The following CDK14 variants were observed in gnomAD, a reference collection of about 807,000 sequenced individuals.
CDK14 encodes the protein cyclin dependent kinase 14.
In CDK14, 34 loss-of-function variants were observed where a neutral mutation model predicts 60.7. The ratio of observed to expected loss-of-function variants is 0.56; its 90% CI spans 0.43 to 0.75. The LOEUF (loss-of-function observed/expected upper bound fraction) is 0.75. Ranked by LOEUF, CDK14 falls within the 30% of genes least tolerant of loss-of-function variation. The probability of loss-of-function intolerance (pLI) is 0.00; values close to 1 mark genes in which losing one functional copy is unlikely to be tolerated. For synonymous variants in CDK14, 197 were observed against 203.7 expected (o/e 0.97, Z 0.28); for missense variants, 482 against 564.1 (o/e 0.85, Z 1.47).
At chr7:90,750,304 G>A (rs1039899787) in intron 4 of CDK14, among the ~76,000 whole-genome samples, 4 of 152,012 alleles carry the variant, frequency 2.6e-5, no homozygotes, top group African/African-American at 7.2e-5. Context: ...ACCAGCAAAA[G>A]AATTTTGTTA....
chr7:90,826,274 A>G (rs1011254702), intron 5 of CDK14, among the ~76,000 whole-genome samples: 6 of 152,136 alleles, frequency 3.9e-5, no homozygotes, highest in African/African-American at 1.2e-4. Flanking sequence ...GCTAGAGTGC[A>G]GTGGCGTGAT....
At chr7:90,731,890 G>GT (rs1261364471) in intron 3 of CDK14, among the ~76,000 whole-genome samples, 2 of 151,990 alleles carry the variant, frequency 1.3e-5, no homozygotes, top group Non-Finnish European at 2.9e-5. Flanking sequence ...AATAGGAGGG[G>GT]TGAGAGAGGG....
intron 5 of CDK14, among the ~76,000 whole-genome samples, chr7:90,854,394 T>C (rs997513764): frequency 1.3e-5 from 2 of 151,954 alleles, no homozygotes; most frequent in African/African-American, 2.4e-5. Context: ...CAACAAAACA[T>C]TAGCCAGGGG....
chr7:90,832,682 G>C (rs1042991919), intron 5 of CDK14, among the ~76,000 whole-genome samples: 6 of 152,154 alleles, frequency 3.9e-5, no homozygotes, highest in African/African-American at 1.4e-4. Flanking sequence ...TCTTGTGGTT[G>C]AAAGTGCTAT....
At chr7:91,117,665 A>G (rs530336872) in intron 13 of CDK14, among the ~76,000 whole-genome samples, 2 of 152,316 alleles carry the variant, frequency 1.3e-5, no homozygotes, top group South Asian at 2.1e-4. Flanking sequence ...AATGGACTCT[A>G]TAACAACAGG....
intron 2 of CDK14, among the ~76,000 whole-genome samples, chr7:90,605,689 C>G (rs919308413): frequency 6.6e-6 from 1 of 152,154 alleles, no homozygotes; most frequent in African/African-American, 2.4e-5. Flanking sequence ...GAAAAAATCT[C>G]ATAAATCCTG....
chr7:90,702,030 A>G (rs921448025), intron 2 of CDK14, among the ~76,000 whole-genome samples: 5 of 152,152 alleles, frequency 3.3e-5, no homozygotes, highest in African/African-American at 1.2e-4. Context: ...AAAAAGTCCC[A>G]GGGAAGGATT....
chr7:90,680,547 C>G (rs912589261), intron 2 of CDK14, among the ~76,000 whole-genome samples: 28 of 152,166 alleles, frequency 1.8e-4, no homozygotes, highest in African/African-American at 6.8e-4. Flanking sequence ...TTCTATTTGT[C>G]TTGCTCTAAA....
chr7:91,021,621 A>G (rs1796436836), intron 10 of CDK14, among the ~76,000 whole-genome samples: 2 of 152,208 alleles, frequency 1.3e-5, no homozygotes, highest in Non-Finnish European at 2.9e-5. Context: ...ATTAACCTAA[A>G]TAGATTTTGC....
intron 5 of CDK14, among the ~76,000 whole-genome samples, chr7:90,858,845 G>C (rs1292174806): frequency 6.6e-6 from 1 of 152,132 alleles, no homozygotes; most frequent in Admixed American, 6.6e-5. Context: ...ATTGCTTAAG[G>C]CTACTGGGCT....
rs145877373 is a variant in CDK14, at chr7:90,632,127, T to C, written c.123+27878T>C. The C allele has an allele frequency of 1.3e-4, 21 of 159,332 alleles. 1 individual carries two copies. In the East Asian group the frequency reaches 3.8e-3, roughly 29 times the overall value. 9.9% of individuals were successfully genotyped at this position (159,332 alleles called of 1,614,324 possible). On this transcript the variant is annotated intron_variant, in intron 2 of 14. Transcript: ENST00000380050. Reference sequence around the variant, plus strand: ...GTGAATTGCTCAGCAGCAGCTATACTGCGTGGATGGTGACAGTTCTCTTGT... The same window carrying C: ...GTGAATTGCTCAGCAGCAGCTATACCGCGTGGATGGTGACAGTTCTCTTGT...
chr7:90,824,357 G>A (rs538517724), intron 5 of CDK14, among the ~76,000 whole-genome samples: 1 of 152,190 alleles, frequency 6.6e-6, no homozygotes, highest in Non-Finnish European at 1.5e-5. Context: ...AATGGGGCAG[G>A]TGTCTGTGTC....
rs147747356 is a variant in CDK14, at chr7:91,099,172, T to G, written c.1155-13370T>G. ...GAATGAAAGGCTAGGTAGCCACCAT[T>G]TCTGTTAACTCCATTTACCATAATG... On this transcript the variant is annotated intron_variant, in intron 12 of 14. Transcript: ENST00000380050. Among the ~76,000 whole-genome samples, 228 of 152,266 alleles carry G rather than the reference T, an allele frequency of 1.5e-3. 1 individual carries two copies. The highest frequency in any genetic ancestry group is 2.9e-3 in the Non-Finnish European group (198 of 67,986).
intron 12 of CDK14, among the ~76,000 whole-genome samples, chr7:91,108,357 A>G (rs1799371036): frequency 6.6e-6 from 1 of 152,208 alleles, no homozygotes; most frequent in South Asian, 2.1e-4. Flanking sequence ...CATGTTTACC[A>G]TTCGTTTGAG....
rs144615585 is a variant in CDK14 at position 90,999,321 on chromosome 7, G to A, written c.1041+15080G>A. The stretch of plus-strand genomic sequence containing the variant: ...CCTGTCACCAGGGCCGGGCAGGGTG[G>A]CTCACGCCTGTAATCCCAGCACTTT... On this transcript the variant is annotated intron_variant, in intron 10 of 14. Transcript: ENST00000380050. Among the ~76,000 whole-genome samples, 785 of 152,150 alleles carry A rather than the reference G, an allele frequency of 5.2e-3. 10 individuals are homozygous for A. The highest frequency in any genetic ancestry group is 0.018 in the African/African-American group (754 of 41,506).
chr7:90,880,827 T>G (rs1455668889), intron 6 of CDK14, among the ~76,000 whole-genome samples: 1 of 152,042 alleles, frequency 6.6e-6, no homozygotes, highest in African/African-American at 2.4e-5. Context: ...TAGCAAACTG[T>G]GGCAGCCCTA....
intron 6 of CDK14, among the ~76,000 whole-genome samples, chr7:90,884,740 T>C (rs1791886315): frequency 6.6e-6 from 1 of 152,086 alleles, no homozygotes; most frequent in Non-Finnish European, 1.5e-5. Context: ...AACAGACATA[T>C]AGATCAATGG....
intron 10 of CDK14, among the ~76,000 whole-genome samples, chr7:90,987,405 T>C (rs1322183145): frequency 6.6e-6 from 1 of 152,032 alleles, no homozygotes; most frequent in East Asian, 1.9e-4. Context: ...CTGTAGTTAT[T>C]TTACATGTCT....
chr7:90,703,011 G>GT (rs1317140493), intron 2 of CDK14, among the ~76,000 whole-genome samples: 16 of 124,274 alleles, frequency 1.3e-4, no homozygotes, highest in East Asian at 9.5e-4. Flanking sequence ...TGTTGTTGTT[G>GT]TTGTTTTGTT....
Sources: gnomAD v4.1 joint callset for allele counts (sites outside exome capture counted in the v4.1 genomes callset) on GRCh38, gnomAD v4.1.1 for gene constraint, MANE v1.5 for transcripts, NCBI Gene and HGNC (gene_info 2026-07-23, HGNC 2026-07-21) for gene names.